Variants in MYDGF observed in about 807,000 individuals in gnomAD.
MYDGF encodes the protein myeloid derived growth factor, also known as myeloid-derived growth factor.
MYDGF carries 29 observed loss-of-function variants against 24.2 expected under a neutral mutation model. That is an observed-to-expected ratio of 1.20 (90% confidence interval 0.89 to 1.63). The LOEUF is 1.63. Among genes scored for constraint, MYDGF ranks in the 40% most tolerant of loss-of-function variants. The pLI is 0.00. For missense variants in MYDGF, 245 were observed against 234.8 expected, an observed-to-expected ratio of 1.04 and a Z score of -0.29; for synonymous variants, 105 against 102.5, an observed-to-expected ratio of 1.02 and a Z score of -0.15.
intron 3 of MYDGF, 70 bp from the exon 4 acceptor site, chr19:4,660,820 A>G: frequency 7.4e-7 from 1 of 1,360,480 alleles, no homozygotes; most frequent in Non-Finnish European, 1.0e-6. Flanking sequence ...CCCTGGAAGG[A>G]GCCCCGCCAG....
At chr19:4,668,167 T>A (rs747375000) in intron 2 of MYDGF, among the ~76,000 whole-genome samples, 2 of 152,216 alleles carry the variant, frequency 1.3e-5, no homozygotes, top group African/African-American at 4.8e-5. Context: ...CCTCAGGTGA[T>A]CTGCCCGCCT....
intron 3 of MYDGF, among the ~76,000 whole-genome samples, chr19:4,664,393 G>A (rs1170883864): frequency 6.6e-6 from 1 of 151,930 alleles, no homozygotes; most frequent in Non-Finnish European, 1.5e-5. Flanking sequence ...AGGAGGCTGA[G>A]GGAGGAGAAT....
intron 1 of MYDGF, among the ~76,000 whole-genome samples, chr19:4,668,947 G>A (rs960780555): frequency 6.6e-6 from 1 of 151,242 alleles, no homozygotes; most frequent in African/African-American, 2.4e-5. Flanking sequence ...GGGTTCAAAC[G>A]ATTCTCCTGC....
At chr19:4,663,649 T>G (rs1413399403) in intron 3 of MYDGF, among the ~76,000 whole-genome samples, 1 of 71,672 alleles carries the variant, frequency 1.4e-5, no homozygotes, top group African/African-American at 7.7e-5. Context: ...CCCCACCTCA[T>G]CCTCATTCTA....
rs1355409676 is a variant in MYDGF at position 4,658,055 on chromosome 19, C to T, written c.472G>A (p.Glu158Lys). The part of the protein sequence containing the change: ...VAHRPGAFKA[E>K]LSKLVIVAKA... ...GCCACAATCACCAGCTTGGACAGCT[C>T]AGCTTTGAATGCCCCGGGCCTGTGA... The change falls in exon 6 of 6, where the codon GAG becomes AAG. Residue 158 changes from glutamate (E) to lysine (K), a missense_variant. Physicochemically the swap from Glu to Lys is moderately conservative, Grantham distance 56. Transcript: ENST00000262947. 6.2e-7 allele frequency: 1 copy of T among 1,611,850 alleles called. No individual in the cohort carries two copies.
intron 4 of MYDGF, among the ~76,000 whole-genome samples, chr19:4,660,258 T>C (rs1481928510): frequency 6.6e-6 from 1 of 151,820 alleles, no homozygotes; most frequent in African/African-American, 2.4e-5. Flanking sequence ...CCTGAGTAGG[T>C]GGGACTATGG....
At chr19:4,662,910 T>C (rs1212844685) in intron 3 of MYDGF, among the ~76,000 whole-genome samples, 1 of 151,946 alleles carries the variant, frequency 6.6e-6, no homozygotes, top group Non-Finnish European at 1.5e-5. Flanking sequence ...ACCAGGACTC[T>C]GCCCAGCACC....
chr19:4,658,811 A>T (rs1450973705), intron 5 of MYDGF, among the ~76,000 whole-genome samples: 8 of 151,662 alleles, frequency 5.3e-5, no homozygotes, highest in East Asian at 1.9e-4. Context: ...AAAATTTATT[A>T]TTTTTTTTGA....
intron 5 of MYDGF, among the ~76,000 whole-genome samples, chr19:4,658,323 A>AT (rs2088439767): frequency 6.6e-6 from 1 of 152,226 alleles, no homozygotes; most frequent in Admixed American, 6.5e-5. Context: ...GAAGCCACAG[A>AT]AAGACCTGAG....
intron 2 of MYDGF, 147 bp downstream of exon 2, chr19:4,668,448 A>G: frequency 1.6e-6 from 1 of 632,874 alleles, no homozygotes; most frequent in South Asian, 1.9e-5. Flanking sequence ...TAATGCCAAT[A>G]CTCTCCCTTT....
chr19:4,670,059 C>T, intron 1 of MYDGF, 102 bp downstream of exon 1: 5 of 1,279,852 alleles, frequency 3.9e-6, no homozygotes, highest in Non-Finnish European at 4.1e-6. Flanking sequence ...CAGTACCCAC[C>T]TCCGCGGTCC....
At chr19:4,663,432 C>T (rs2088489985) in intron 3 of MYDGF, among the ~76,000 whole-genome samples, 2 of 139,414 alleles carry the variant, frequency 1.4e-5, no homozygotes, top group African/African-American at 2.8e-5. Context: ...CCACCCACCC[C>T]ATCCTCATTC....
rs370104166 is a variant in MYDGF at position 4,658,116 on chromosome 19, A to C, written c.443-32T>G. On this transcript the variant is annotated intron_variant, in intron 5 of 5. Transcript: ENST00000262947. ...GAAAGAAACACATGGTTGGGCCCTC[A>C]ACATTGAAAATTCTCAGAAGTCCGG... 2.5e-6 allele frequency: 4 copies of C among 1,583,424 alleles called. No individual in the cohort carries two copies. In the African/African-American group the frequency reaches 5.4e-5, roughly 21 times the overall value.
intron 3 of MYDGF, among the ~76,000 whole-genome samples, chr19:4,663,462 C>CTT (rs2088490898): frequency 1.6e-5 from 2 of 126,566 alleles, no homozygotes; most frequent in Admixed American, 7.6e-5. Flanking sequence ...TCCAATCTAC[C>CTT]CTCCCCACCC....
chr19:4,664,421 C>T (rs1303726526), intron 3 of MYDGF, among the ~76,000 whole-genome samples: 1 of 149,414 alleles, frequency 6.7e-6, no homozygotes, highest in African/African-American at 2.5e-5. Flanking sequence ...ACCCAGGAGG[C>T]GGAGGCTGCA....
At chr19:4,662,194 G>A (rs1016827718) in intron 3 of MYDGF, among the ~76,000 whole-genome samples, 3 of 152,186 alleles carry the variant, frequency 2.0e-5, no homozygotes, top group Non-Finnish European at 4.4e-5. Flanking sequence ...ACACGAGGCA[G>A]CAAATCACAC....
Position 4,657,903 on chromosome 19 carries a change from A to T in MYDGF, c.*102T>A. On this transcript the variant is annotated 3_prime_UTR_variant, in exon 6 of 6. Coordinates refer to ENST00000262947, the MANE Select transcript of MYDGF (RefSeq NM_019107.4). Reference sequence around the variant, plus strand: ...CGTCAGCCCAGGTAGAAAACTTAAGAGTCCCTCCTAGAAAACCAGTGATGT... The same window carrying T: ...CGTCAGCCCAGGTAGAAAACTTAAGTGTCCCTCCTAGAAAACCAGTGATGT... 9.0e-7 allele frequency: 1 copy of T among 1,105,578 alleles called. No homozygotes were observed. Among genetic ancestry groups the T allele is most frequent in the Non-Finnish European group, 1.3e-6 (1 of 783,950 alleles). 68.5% of individuals were successfully genotyped at this position (1,105,578 alleles called of 1,614,324 possible).
In MYDGF at chr19:4,670,282, G is replaced by A; in HGVS notation, c.53C>T (p.Ala18Val). The A allele has an allele frequency of 2.0e-6, 3 of 1,533,674 alleles. No homozygotes were observed. Among genetic ancestry groups the A allele is most frequent in the Non-Finnish European group, 2.6e-6 (3 of 1,141,662 alleles). ...CAGCGCCACGGCCCCTAGGAGCAGCGCGGCCCACAAGCTCGCGCCGACGCC... is the reference window on the plus strand; with the variant it reads ...CAGCGCCACGGCCCCTAGGAGCAGCACGGCCCACAAGCTCGCGCCGACGCC... ...WNGVGASLWAALLLGAVALRP... is the reference protein window; with the variant it reads ...WNGVGASLWAVLLLGAVALRP... The change falls in exon 1 of 6, where the codon GCG becomes GTG. Residue 18 changes from alanine (A) to valine (V), a missense_variant. Coordinates refer to ENST00000262947, the MANE Select transcript of MYDGF (RefSeq NM_019107.4).
chr19:4,670,179 G>A lies in MYDGF; in HGVS notation c.156C>T (p.Ser52=). ...CACGTACCCCCGGGCCCACGTTATGGGAGAAGGAATGCACGACGCCGCCGG... is the reference window on the plus strand; with the variant it reads ...CACGTACCCCCGGGCCCACGTTATGAGAGAAGGAATGCACGACGCCGCCGG... The part of the protein sequence containing the change: ...VRPGGVVHSF[S]HNVGPGDKYT... The change falls in exon 1 of 6, where the codon TCC becomes TCT. Residue 52 remains serine (S), a synonymous_variant. Transcript: ENST00000262947. 1.3e-6 allele frequency: 2 copies of A among 1,552,646 alleles called. No individual in the cohort carries two copies. Among genetic ancestry groups the A allele is most frequent in the African/African-American group, 1.4e-5 (1 of 70,256 alleles).
Sources: gnomAD v4.1 joint callset for allele counts (sites outside exome capture counted in the v4.1 genomes callset) on GRCh38, gnomAD v4.1.1 for gene constraint, MANE v1.5 for transcripts, NCBI Gene and HGNC (gene_info 2026-07-23, HGNC 2026-07-21) for gene names.